Variants in CACNA1C observed in about 807,000 individuals in gnomAD.
CACNA1C encodes voltage-dependent L-type calcium channel subunit alpha-1C.
A neutral mutation model predicts 229.0 loss-of-function variants in CACNA1C; 30 were observed. That is an observed-to-expected ratio of 0.13 (90% CI 0.10 to 0.18). The LOEUF (loss-of-function observed/expected upper bound fraction) is 0.18. Ranked by LOEUF, CACNA1C falls within the 10% of genes least tolerant of loss-of-function variation. CACNA1C has a pLI of 1.00. For synonymous variants in CACNA1C, 1,114 were observed against 1,132.5 expected (o/e 0.98, Z 0.33); for missense variants, 1,658 against 2,845.0 (o/e 0.58, Z 9.49).
intron 29 of CACNA1C, among the ~76,000 whole-genome samples, chr12:2,626,850 G>A (rs1239208199): frequency 6.6e-6 from 1 of 152,186 alleles, no homozygotes; most frequent in Non-Finnish European, 1.5e-5. Context: ...CCCAAGCCTT[G>A]CATAGTTACA....
chr12:2,339,036 C>T (rs375034361), intron 3 of CACNA1C, among the ~76,000 whole-genome samples: 6 of 152,174 alleles, frequency 3.9e-5, no homozygotes, highest in Admixed American at 1.3e-4. Flanking sequence ...AGTACAGTCA[C>T]GAATTGCTTA....
intron 5 of CACNA1C, among the ~76,000 whole-genome samples, chr12:2,473,383 G>T (rs1296903838): frequency 6.6e-6 from 1 of 152,082 alleles, no homozygotes; most frequent in Non-Finnish European, 1.5e-5. Context: ...AATTCCATGG[G>T]GCTGCAGTGT....
intron 5 of CACNA1C, among the ~76,000 whole-genome samples, chr12:2,466,692 G>T (rs1249087171): frequency 6.6e-6 from 1 of 152,178 alleles, no homozygotes; most frequent in African/African-American, 2.4e-5. Flanking sequence ...AGAGGACCCA[G>T]CCTCCAGCCC....
chr12:2,417,883 G>T (rs1034854298), intron 3 of CACNA1C, among the ~76,000 whole-genome samples: 1 of 152,044 alleles, frequency 6.6e-6, no homozygotes, highest in Non-Finnish European at 1.5e-5. Context: ...GGCAAGGGGG[G>T]CCTCCCAGAG....
chr12:2,602,085 T>C lies in CACNA1C; in HGVS notation c.2960+125T>C. The C allele has an allele frequency of 1.5e-6, 1 of 672,428 alleles. No individual in the cohort carries two copies. The highest frequency in any genetic ancestry group is 2.7e-5 in the East Asian group (1 of 37,480). The allele number at this position is 672,428 out of a possible 1,614,324, so 41.7% of individuals were successfully genotyped here. ...AGTGTGATGAGAGTGGGGTGGGGCC[T>C]CCAAAGCTGTGCATGGTGGCTTTGG... On this transcript the variant is annotated intron_variant, in intron 22 of 46. Transcript: ENST00000399655. The surrounding 1 kb of genome is among the most constrained non-coding windows in gnomAD (Gnocchi z 4.4).
At position 2,289,103 on chromosome 12, in the gene CACNA1C, C is replaced by T. The variant is rs967285667; in HGVS notation, c.478-159873C>T. On this transcript the variant is annotated intron_variant, in intron 3 of 46. Coordinates refer to ENST00000399655, the MANE Select transcript of CACNA1C (RefSeq NM_000719.7). ...GCATCCCATATGGGGAAGATATGCC[C>T]TCAGGTGGTTAGCAGAGCCAGCAGG... is the stretch of plus-strand genomic sequence containing the variant. Among the ~76,000 whole-genome samples, 29 of 152,160 alleles carry T rather than the reference C, an allele frequency of 1.9e-4. 1 individual carries two copies.
chr12:2,052,628 CACCGCGGCT>C (rs2052548673), upstream of CACNA1C, among the ~76,000 whole-genome samples: 1 of 143,704 alleles, frequency 7.0e-6, no homozygotes, highest in African/African-American at 2.5e-5. Flanking sequence ...CCACCGCGGC[CACCGCGGCT>C]GGCGCCCGGG....
intron 3 of CACNA1C, among the ~76,000 whole-genome samples, chr12:2,245,762 T>G (rs1310242802): frequency 6.6e-6 from 1 of 152,222 alleles, no homozygotes; most frequent in African/African-American, 2.4e-5. Context: ...CAAGGGTAGT[T>G]GCAGTCTTAT....
intron 1 of CACNA1C, among the ~76,000 whole-genome samples, chr12:2,026,175 G>A (rs935375398): frequency 2.6e-5 from 4 of 152,198 alleles, no homozygotes; most frequent in African/African-American, 9.7e-5. Flanking sequence ...AGAGTTGGAG[G>A]TCTATTTATT....
At chr12:2,627,326 G>T (rs2087319115) in intron 29 of CACNA1C, among the ~76,000 whole-genome samples, 1 of 152,120 alleles carries the variant, frequency 6.6e-6, no homozygotes, top group Non-Finnish European at 1.5e-5. Flanking sequence ...GCATCCTGGT[G>T]TAATACAATT....
chr12:2,207,032 T>C (rs2097773705), intron 3 of CACNA1C, among the ~76,000 whole-genome samples: 1 of 152,208 alleles, frequency 6.6e-6, no homozygotes, highest in Admixed American at 6.5e-5. Context: ...GGGAATCTCT[T>C]GTGGGTGTTG....
intron 5 of CACNA1C, among the ~76,000 whole-genome samples, chr12:2,471,798 C>T (rs1031127004): frequency 6.6e-6 from 1 of 152,152 alleles, no homozygotes; most frequent in African/African-American, 2.4e-5. Context: ...TTCTCTGCCT[C>T]AGCTCCCGAG....
chr12:2,490,428 G>GA (rs1322580273), intron 6 of CACNA1C, among the ~76,000 whole-genome samples: 1 of 151,382 alleles, frequency 6.6e-6, no homozygotes, highest in East Asian at 1.9e-4. Context: ...CAAAACATGA[G>GA]AAAAAGATGC....
chr12:2,450,354 A>T (rs1235920659), intron 4 of CACNA1C, among the ~76,000 whole-genome samples: 1 of 151,854 alleles, frequency 6.6e-6, no homozygotes, highest in Non-Finnish European at 1.5e-5. Flanking sequence ...GGAGATCGAG[A>T]CCATCCTGGC....
At chr12:2,686,744 C>T (rs906272070) in intron 45 of CACNA1C, among the ~76,000 whole-genome samples, 7 of 152,146 alleles carry the variant, frequency 4.6e-5, no homozygotes, top group Admixed American at 2.6e-4. Context: ...GAATGACATC[C>T]GTGGGAAGCA....
At chr12:2,594,765 C>T (rs1209633883) in intron 19 of CACNA1C, among the ~76,000 whole-genome samples, 1 of 152,182 alleles carries the variant, frequency 6.6e-6, no homozygotes, top group East Asian at 1.9e-4. Context: ...ATTGTGACCC[C>T]AACACTTCCT....
At chr12:2,333,676 G>A (rs760052103) in intron 3 of CACNA1C, among the ~76,000 whole-genome samples, 1 of 152,188 alleles carries the variant, frequency 6.6e-6, no homozygotes, top group Non-Finnish European at 1.5e-5. Flanking sequence ...GAGAGAGATG[G>A]AGGTTGGCAT....
rs533825978 is a variant in CACNA1C, at chr12:2,486,743, C to T, written c.916+481C>T. On this transcript the variant is annotated intron_variant, in intron 6 of 46. Coordinates refer to ENST00000399655, the MANE Select transcript of CACNA1C (RefSeq NM_000719.7). The surrounding 1 kb of genome is among the most constrained non-coding windows in gnomAD (Gnocchi z 4.9). Reference sequence around the variant, plus strand: ...TTTTCTACCTTCATGGTGCTGATTCCAGATCCTCTGTAATTATTGTTTCTG... The same window carrying T: ...TTTTCTACCTTCATGGTGCTGATTCTAGATCCTCTGTAATTATTGTTTCTG... Among the ~76,000 whole-genome samples the T allele has an allele frequency of 6.7e-4, 102 of 152,300 alleles. No homozygotes were observed. Among genetic ancestry groups the T allele is most frequent in the African/African-American group, 2.3e-3 (95 of 41,560 alleles).
chr12:2,216,434 C>T (rs759880593), intron 3 of CACNA1C, among the ~76,000 whole-genome samples: 5 of 152,160 alleles, frequency 3.3e-5, no homozygotes, highest in Admixed American at 6.5e-5. Context: ...GAGGTAAGGC[C>T]GTGGAGCGAA....
Sources: gnomAD v4.1 joint callset for allele counts (sites outside exome capture counted in the v4.1 genomes callset) on GRCh38, gnomAD v4.1.1 for gene constraint, Gnocchi (gnomAD v3.1) non-coding constraint, MANE v1.5 for transcripts, NCBI Gene and HGNC (gene_info 2026-07-23, HGNC 2026-07-21) for gene names.